ITGAM: variants seen among roughly 807,000 people sequenced by gnomAD.
The protein encoded by ITGAM is integrin alpha-M.
ITGAM carries 79 observed loss-of-function variants against 137.5 expected under a neutral mutation model. The observed-to-expected ratio is 0.57, with a 90% CI of 0.48 to 0.69. ITGAM has a LOEUF of 0.69. Among genes scored for constraint, ITGAM ranks in the 30% least tolerant of loss-of-function variants. The pLI, the probability that ITGAM is intolerant of heterozygous loss-of-function variation, is 0.00. For synonymous variants in ITGAM, 583 were observed against 592.3 expected, an observed-to-expected ratio of 0.98 and a Z score of 0.23; for missense variants, 1,343 against 1,483.5, an observed-to-expected ratio of 0.91 and a Z score of 1.56.
chr16:31,330,394 C>A lies in ITGAM; in HGVS notation c.3147C>A (p.Gly1049=). The stretch of plus-strand genomic sequence containing the variant: ...AAGAATTCAATGCTACCCTCAAAGG[C>A]AACCTCTCGTTTGACTGGTACATCA... ...IQEEFNATLK[G]NLSFDWYIKT... The change falls in exon 27 of 30, where the codon GGC becomes GGA. Residue 1049 remains glycine, a synonymous_variant. Coordinates refer to ENST00000544665, the MANE Select transcript of ITGAM (RefSeq NM_000632.4). The A allele has an allele frequency of 6.2e-7, 1 of 1,613,578 alleles. No homozygotes were observed. Among genetic ancestry groups the A allele is most frequent in the Non-Finnish European group, 8.5e-7 (1 of 1,179,452 alleles).
At chr16:31,330,816 G>T (rs1436196293) in intron 28 of ITGAM, among the ~76,000 whole-genome samples, 3 of 151,768 alleles carry the variant, frequency 2.0e-5, no homozygotes, top group Admixed American at 6.6e-5. Context: ...AGACAAAGGA[G>T]AGAGAGATAG....
intron 12 of ITGAM, among the ~76,000 whole-genome samples, chr16:31,280,168 C>T (rs924961833): frequency 2.0e-5 from 3 of 152,106 alleles, no homozygotes; most frequent in Non-Finnish European, 2.9e-5. Flanking sequence ...AGTCAGGTAG[C>T]GTGATGCCTC....
intron 8 of ITGAM, 111 bp downstream of exon 8, chr16:31,273,629 C>A: frequency 4.8e-6 from 5 of 1,045,312 alleles, no homozygotes; most frequent in South Asian, 1.5e-5. Context: ...AGAGCTAATG[C>A]TAGCTCATAT....
chr16:31,280,159 G>A (rs1384497460), intron 12 of ITGAM, among the ~76,000 whole-genome samples: 1 of 152,212 alleles, frequency 6.6e-6, no homozygotes, highest in African/African-American at 2.4e-5. Flanking sequence ...ATAGTTTGAA[G>A]TCAGGTAGCG....
chr16:31,266,352 A>G (rs1357754220), intron 5 of ITGAM, among the ~76,000 whole-genome samples: 3 of 151,638 alleles, frequency 2.0e-5, no homozygotes, highest in Non-Finnish European at 4.4e-5. Flanking sequence ...CATACCTGCA[A>G]TCCCAAAGCT....
chr16:31,312,874 T>C (rs930709682), intron 14 of ITGAM, among the ~76,000 whole-genome samples: 2 of 16,380 alleles, frequency 1.2e-4, no homozygotes, highest in Non-Finnish European at 7.5e-4. Flanking sequence ...GGGAGCAGTC[T>C]TTTTTTTTTT....
intron 12 of ITGAM, among the ~76,000 whole-genome samples, chr16:31,280,527 A>G (rs1460576892): frequency 1.3e-5 from 2 of 152,056 alleles, no homozygotes; most frequent in Admixed American, 1.3e-4. Context: ...CTCATGATTT[A>G]GCTCTCTGTT....
At chr16:31,320,641 T>A (rs2080439365) in intron 14 of ITGAM, among the ~76,000 whole-genome samples, 1 of 152,184 alleles carries the variant, frequency 6.6e-6, no homozygotes, top group Admixed American at 6.5e-5. Flanking sequence ...TTGCTACTTT[T>A]TGATTTTTGT....
chr16:31,279,158 T>C (rs1224899141), intron 12 of ITGAM, among the ~76,000 whole-genome samples: 1 of 152,222 alleles, frequency 6.6e-6, no homozygotes, highest in African/African-American at 2.4e-5. Context: ...TTGGGTTGGT[T>C]CCAAGTCTTT....
At position 31,331,869 on chromosome 16, in the gene ITGAM, A is replaced by AGTGTGTGCG. The variant is rs2080589535; in HGVS notation, c.*162_*163insGTGTGTGCG. On this transcript the variant is annotated 3_prime_UTR_variant, in exon 30 of 30. Transcript: ENST00000544665. ...TGCAAGTGTGTATGTGCGTGTGTGCAAGTGTCTGTGTGCAAGTGTGTGCAC... is the reference window on the plus strand; with the variant it reads ...TGCAAGTGTGTATGTGCGTGTGTGCAGTGTGTGCGAGTGTCTGTGTGCAAGTGTGTGCAC... 1.5e-5 allele frequency: 8 copies of AGTGTGTGCG among 537,326 alleles called. No homozygotes were observed. The highest frequency in any genetic ancestry group is 2.6e-5 in the Non-Finnish European group (8 of 309,184). 33.3% of individuals were successfully genotyped at this position (537,326 alleles called of 1,614,324 possible).
chr16:31,329,284 T>C lies in ITGAM; in HGVS notation c.2849T>C (p.Val950Ala). ...NFTASENTSRVMQHQYQVSNL... is the reference protein window; with the variant it reads ...NFTASENTSRAMQHQYQVSNL... Reference sequence around the variant, plus strand: ...ACGGCCTCAGAGAATACCAGTCGGGTCATGCAGCATCAATATCAGGTGGGC... The same window carrying C: ...ACGGCCTCAGAGAATACCAGTCGGGCCATGCAGCATCAATATCAGGTGGGC... The change falls in exon 24 of 30, where the codon GTC becomes GCC. Residue 950 changes from valine to alanine, a missense_variant. Coordinates refer to ENST00000544665, the MANE Select transcript of ITGAM (RefSeq NM_000632.4). 6.2e-7 allele frequency: 1 copy of C among 1,612,028 alleles called. No homozygotes were observed. The highest frequency in any genetic ancestry group is 8.5e-7 in the Non-Finnish European group (1 of 1,178,492).
chr16:31,300,722 C>T (rs2080189286), intron 14 of ITGAM, among the ~76,000 whole-genome samples: 2 of 152,048 alleles, frequency 1.3e-5, no homozygotes, highest in Non-Finnish European at 2.9e-5. Flanking sequence ...ACCAGCCTGG[C>T]CAACAGGGTA....
chr16:31,331,276 GTGCTCCCCGC>G lies in ITGAM; in HGVS notation c.3387+10_3387+19del. On this transcript the variant is annotated splice_donor_variant and splice_donor_5th_base_variant and intron_variant, in intron 29 of 29. Transcript: ENST00000544665. LOFTEE classifies it high-confidence loss of function. ...CCTCATCACCGCCGCGCTGTACAAG[GTGCTCCCCGC>G]TGCTCCCCCACCCCCTCCCTTCATC... 1.9e-6 allele frequency: 3 copies of G among 1,589,510 alleles called. No individual in the cohort carries two copies. The highest frequency in any genetic ancestry group is 2.6e-6 in the Non-Finnish European group (3 of 1,160,774).
rs544489198 is a variant in ITGAM, at chr16:31,272,125, C to T, written c.704+133C>T. ...CACCGGCAGAGGTGGGGAGGCTGTG[C>T]GTGGTGTGTTCATCAAAGGACAAGT... On this transcript the variant is annotated intron_variant, in intron 7 of 29. Coordinates refer to ENST00000544665, the MANE Select transcript of ITGAM (RefSeq NM_000632.4). 100 of 1,024,374 alleles carry T rather than the reference C, an allele frequency of 9.8e-5. No homozygotes were observed. The South Asian group carries it at 1.2e-3, about 12-fold the overall frequency. The allele number at this position is 1,024,374 out of a possible 1,614,324, so 63.5% of individuals were successfully genotyped here.
chr16:31,287,996 G>A (rs944263341), intron 12 of ITGAM, among the ~76,000 whole-genome samples: 2 of 152,108 alleles, frequency 1.3e-5, no homozygotes, highest in Non-Finnish European at 2.9e-5. Context: ...GCTTAAAGTG[G>A]GACAGTCTGG....
At chr16:31,268,052 C>T (rs78818409) in intron 5 of ITGAM, among the ~76,000 whole-genome samples, 1 of 152,174 alleles carries the variant, frequency 6.6e-6, no homozygotes, top group African/African-American at 2.4e-5. Flanking sequence ...TCAACCACCA[C>T]AATCGATAGC....
intron 12 of ITGAM, among the ~76,000 whole-genome samples, chr16:31,282,047 C>A (rs1217836319): frequency 6.6e-6 from 1 of 152,120 alleles, no homozygotes; most frequent in Middle Eastern, 3.2e-3. Flanking sequence ...GTTTCTTAAT[C>A]CTGAGTTCTA....
intron 21 of ITGAM, 83 bp from the exon 22 acceptor site, chr16:31,326,773 T>C: frequency 5.3e-6 from 5 of 938,422 alleles, no homozygotes; most frequent in Non-Finnish European, 8.6e-6. Flanking sequence ...CCATATTTCA[T>C]GTCTCCATTA....
At chr16:31,321,963 A>T (rs1035470658) in intron 16 of ITGAM, among the ~76,000 whole-genome samples, 2 of 152,176 alleles carry the variant, frequency 1.3e-5, no homozygotes, top group East Asian at 1.9e-4. Context: ...CTAAACAGAG[A>T]TTTACAAAGC....
Sources: gnomAD v4.1 joint callset for allele counts (sites outside exome capture counted in the v4.1 genomes callset) on GRCh38, gnomAD v4.1.1 for gene constraint, MANE v1.5 for transcripts, NCBI Gene and HGNC (gene_info 2026-07-23, HGNC 2026-07-21) for gene names.